Variants in PRPF40B observed in about 807,000 individuals in gnomAD.
The protein encoded by PRPF40B is pre-mRNA processing factor 40B.
Under a neutral mutation model 124.5 loss-of-function variants are expected in PRPF40B, and 56 were observed. The ratio of observed to expected loss-of-function variants is 0.45; its 90% confidence interval spans 0.36 to 0.56. The LOEUF (loss-of-function observed/expected upper bound fraction) is 0.56. PRPF40B is among the 20% of genes least tolerant of loss of function. PRPF40B has a pLI of 0.00. For missense variants in PRPF40B, 1,053 were observed against 1,169.5 expected (o/e 0.90, Z 1.45); for synonymous variants, 443 against 426.4 (o/e 1.04, Z -0.48).
In PRPF40B at chr12:49,630,606, C is replaced by T; in HGVS notation, c.65C>T (p.Pro22Leu). 7.5e-7 allele frequency: 1 copy of T among 1,325,112 alleles called. No homozygotes were observed. Among genetic ancestry groups the T allele is most frequent in the South Asian group, 1.2e-5 (1 of 83,988 alleles). The allele number at this position is 1,325,112 out of a possible 1,614,324, so 82.1% of individuals were successfully genotyped here. The change falls in exon 2 of 26, where the codon CCC (proline) becomes CTC (leucine). Residue 22 changes from proline to leucine, a missense_variant. Physicochemically the swap from Pro to Leu is moderately conservative, Grantham distance 98. Around this residue, in one of 2 missense-constraint regions of PRPF40B, gnomAD observed 158 missense variants for 117.3 expected, o/e 1.35. Coordinates refer to ENST00000548825, the MANE Select transcript of PRPF40B (RefSeq NM_001031698.3). Reference sequence around the variant, plus strand: ...CCTGCCCCCTTCCCACCGGGGCCCCCCATGATGCCACCACCCTTCGTAAGT... The same window carrying T: ...CCTGCCCCCTTCCCACCGGGGCCCCTCATGATGCCACCACCCTTCGTAAGT... The part of the protein sequence containing the change: ...AAPAPFPPGP[P>L]MMPPPFMPPP...
chr12:49,627,561 G>C (rs966199427), intron 1 of PRPF40B, among the ~76,000 whole-genome samples: 2 of 152,092 alleles, frequency 1.3e-5, no homozygotes, highest in Non-Finnish European at 2.9e-5. Context: ...AAGGTGAGTA[G>C]GGCTGGAACT....
rs773103374 is a variant in PRPF40B at position 49,643,240 on chromosome 12, AGAG to A, written c.2227_2229del (p.Glu743del). 3.7e-6 allele frequency: 6 copies of A among 1,614,122 alleles called. No individual in the cohort carries two copies. In the African/African-American group the frequency reaches 6.7e-5, roughly 18 times the overall value. Reference sequence around the variant, plus strand: ...CTGCCCAGGGCTCTGAGTCAGAAGAAGAGGAGCTGCCCCCACCATCTCTCCGGC... The same window carrying A: ...CTGCCCAGGGCTCTGAGTCAGAAGAAGAGCTGCCCCCACCATCTCTCCGGC... On this transcript the variant is annotated inframe_deletion, in exon 23 of 26. Coordinates refer to ENST00000548825, the MANE Select transcript of PRPF40B (RefSeq NM_001031698.3).
rs1201738746 is a variant in PRPF40B at position 49,634,361 on chromosome 12, A to T, written c.842A>T (p.Glu281Val). ...GGACAGCATCAGCCACAGCAGGAGG[A>T]GGAGGAATCAAAGCCAGAACCAGAG... ...SSGQHQPQQE[E>V]EESKPEPERS... Residue 281 changes from glutamate (E) to valine (V), a missense_variant, in exon 11 of 26, where the codon GAG (glutamate) becomes GTG (valine). Transcript: ENST00000548825. The T allele has an allele frequency of 6.2e-7, 1 of 1,614,062 alleles. No homozygotes were observed. The highest frequency in any genetic ancestry group is 8.5e-7 in the Non-Finnish European group (1 of 1,180,024).
Position 49,643,188 on chromosome 12 carries a change from C to A in PRPF40B, c.2206-35C>A, listed in dbSNP as rs192891339. On this transcript the variant is annotated intron_variant, in intron 22 of 25. Transcript: ENST00000548825. ...ACGAGGGCTTCTGGAGGGCAGAGAA[C>A]CTCTGCACTGACATGTATCTGCTGA... 8.7e-4 allele frequency: 1,408 copies of A among 1,610,818 alleles called. 5 individuals carry two copies. Among genetic ancestry groups the A allele is most frequent in the Middle Eastern group, 8.4e-4 (5 of 5,926 alleles).
chr12:49,623,600 T>C lies in PRPF40B; in HGVS notation c.3+7T>C. The stretch of plus-strand genomic sequence containing the variant: ...GCTCGGAGGCTCTGGCATGGTAACA[T>C]CCCCGCGCGGGGGTGGAGGGGCTCG... On this transcript the variant is annotated splice_region_variant and intron_variant, in intron 1 of 25. Transcript: ENST00000548825. 8.1e-7 allele frequency: 1 copy of C among 1,229,366 alleles called. No individual in the cohort carries two copies. Among genetic ancestry groups the C allele is most frequent in the Non-Finnish European group, 1.0e-6 (1 of 986,932 alleles). 76.2% of individuals were successfully genotyped at this position (1,229,366 alleles called of 1,614,324 possible). A position where few individuals can be genotyped will look rare whatever the true frequency, so the allele number is the denominator to read the frequency against.
Position 49,631,025 on chromosome 12 carries a change from G to C in PRPF40B, c.85-376G>C, listed in dbSNP as rs1047459392. On this transcript the variant is annotated intron_variant, in intron 2 of 25. Transcript: ENST00000548825. The surrounding 1 kb of genome is among the most constrained non-coding windows in gnomAD (Gnocchi z 4.3). ...TGGAGAGAAAGGGATGGGAGGCAGG[G>C]GACTGGGGTACTTGGGTACCTGGAT... 6.6e-6 allele frequency among the ~76,000 whole-genome samples: 1 copy of C among 152,180 alleles called. No individual in the cohort carries two copies.
At chr12:49,634,782 A>G (rs1473937254) in intron 12 of PRPF40B, 180 bp downstream of exon 12, 19 of 683,682 alleles carry the variant, frequency 2.8e-5, no homozygotes, top group Middle Eastern at 4.1e-4. Context: ...AAGGAAAGGT[A>G]TCTGACACAA....
chr12:49,624,104 G>A (rs905107686), intron 1 of PRPF40B: 3 of 986,512 alleles, frequency 3.0e-6, no homozygotes, highest in African/African-American at 3.5e-5. Flanking sequence ...AGGTGGAGAG[G>A]GGGCCTCTGA....
In PRPF40B at chr12:49,642,226, T is replaced by C; in HGVS notation, c.1885-9T>C. 9 of 1,614,142 alleles carry C rather than the reference T, an allele frequency of 5.6e-6. No individual in the cohort carries two copies. Among genetic ancestry groups the C allele is most frequent in the Non-Finnish European group, 7.6e-6 (9 of 1,180,004 alleles). On this transcript the variant is annotated splice_polypyrimidine_tract_variant and intron_variant, in intron 19 of 25. Coordinates refer to ENST00000548825, the MANE Select transcript of PRPF40B (RefSeq NM_001031698.3). This position sits in a 1 kb window ranked among gnomAD's most constrained non-coding sequence, Gnocchi z 5.8. ...GGGTGACCCTGTTCCGTGTCCCTTC[T>C]TTCCTCAGCTGCTGGAGAAAGCAGA...
chr12:49,641,207 G>A (rs1463687685), intron 18 of PRPF40B: 1 of 152,252 alleles, frequency 6.6e-6, no homozygotes, highest in Admixed American at 6.5e-5. Flanking sequence ...CTGGCCTGTG[G>A]ACATGTTTTT....
In PRPF40B at chr12:49,631,169, A is replaced by G. The variant is rs1941188434; in HGVS notation, c.85-232A>G. Among the ~76,000 whole-genome samples, 1 of 151,846 alleles carries G rather than the reference A, an allele frequency of 6.6e-6. No homozygotes were observed. The highest frequency in any genetic ancestry group is 6.6e-5 in the Admixed American group (1 of 15,256). On this transcript the variant is annotated intron_variant, in intron 2 of 25. Coordinates refer to ENST00000548825, the MANE Select transcript of PRPF40B (RefSeq NM_001031698.3). This position sits in a 1 kb window ranked among gnomAD's most constrained non-coding sequence, Gnocchi z 4.3. ...TCCCTTATTCCTTTCCTTTCCCGTTACAATTAAGAAGCTGTGTGCTTGCCT... is the reference window on the plus strand; with the variant it reads ...TCCCTTATTCCTTTCCTTTCCCGTTGCAATTAAGAAGCTGTGTGCTTGCCT...
chr12:49,644,062 G>A (rs1011618467), intron 25 of PRPF40B, 38 bp from the exon 26 acceptor site: 3 of 1,614,094 alleles, frequency 1.9e-6, no homozygotes, highest in African/African-American at 1.3e-5. Flanking sequence ...ACGGCCCTTA[G>A]TGCAGGCTAA....
At chr12:49,626,765 G>T (rs1042002250) in intron 1 of PRPF40B, among the ~76,000 whole-genome samples, 9 of 152,140 alleles carry the variant, frequency 5.9e-5, no homozygotes, top group African/African-American at 9.7e-5. Context: ...CACTTAGGTT[G>T]CAGGGGATAT....
rs1210782131 is a variant in PRPF40B, at chr12:49,634,432, T to C, written c.913T>C (p.Phe305Leu). The change falls in exon 11 of 26, where the codon TTC (phenylalanine) becomes CTC (leucine). Residue 305 changes from phenylalanine to leucine, a missense_variant. Phe to Leu is a conservative substitution (Grantham distance 22). Around this residue, in one of 2 missense-constraint regions of PRPF40B, gnomAD observed 895 missense variants for 1,052.2 expected, o/e 0.85. Coordinates refer to ENST00000548825, the MANE Select transcript of PRPF40B (RefSeq NM_001031698.3). ...CAACCGGGAGAAGGCAAAGCAGGCA[T>C]TCAAGGAACTGCTGAGGGACAAGGT... ...WSNREKAKQA[F>L]KELLRDKAVP... 6.2e-7 allele frequency: 1 copy of C among 1,614,012 alleles called. No individual in the cohort carries two copies. The highest frequency in any genetic ancestry group is 1.7e-5 in the Admixed American group (1 of 60,004).
At chr12:49,637,422 T>A (rs762546053) in intron 16 of PRPF40B, 48 bp from the exon 17 acceptor site, 2 of 1,349,652 alleles carry the variant, frequency 1.5e-6, no homozygotes, top group South Asian at 2.4e-5. Flanking sequence ...AGTCTGTGGC[T>A]CTGCCTCCCT....
chr12:49,627,907 G>C (rs1415317426), intron 1 of PRPF40B, among the ~76,000 whole-genome samples: 1 of 152,142 alleles, frequency 6.6e-6, no homozygotes, highest in African/African-American at 2.4e-5. Flanking sequence ...GTGATTTATT[G>C]GCAAGGAAGA....
In PRPF40B at chr12:49,643,891, GA is replaced by G. The variant is rs759747378; in HGVS notation, c.2474del (p.Glu825GlyfsTer48). On this transcript the variant is annotated frameshift_variant, in exon 25 of 26. Coordinates refer to ENST00000548825, the MANE Select transcript of PRPF40B (RefSeq NM_001031698.3). LOFTEE classifies it high-confidence loss of function. ...TCCTGAGAGTGAGACAGACCCTGAG[GA>G]GAAAGCTGGCAAGGAGAGCGATGAG... ...NSPESETDPE[E>X]KAGKESDEKE... is the part of the protein sequence containing the mutation. The G allele has an allele frequency of 1.9e-6, 3 of 1,614,204 alleles. No homozygotes were observed. Among genetic ancestry groups the G allele is most frequent in the Non-Finnish European group, 2.5e-6 (3 of 1,180,030 alleles).
At chr12:49,622,963 G>A (rs746832531), upstream of PRPF40B, among the ~76,000 whole-genome samples, 5 of 152,100 alleles carry the variant, frequency 3.3e-5, no homozygotes, top group African/African-American at 7.2e-5. Flanking sequence ...TGAGTTCAGC[G>A]CTCAGTGGGA....
intron 4 of PRPF40B, chr12:49,632,261 G>T: frequency 1.7e-6 from 1 of 576,180 alleles, no homozygotes; most frequent in Admixed American, 3.0e-5. Flanking sequence ...GTAGCACCTG[G>T]GGATCTTGCT....
Sources: gnomAD v4.1 joint callset for allele counts (sites outside exome capture counted in the v4.1 genomes callset) on GRCh38, gnomAD v4.1.1 for gene constraint, gnomAD v4.1.1 regional missense constraint, Gnocchi (gnomAD v3.1) non-coding constraint, MANE v1.5 for transcripts, NCBI Gene and HGNC (gene_info 2026-07-23, HGNC 2026-07-21) for gene names.